Variants in DMD observed in about 807,000 individuals in gnomAD.
DMD encodes the protein mutant dystrophin.
DMD carries 63 observed loss-of-function variants against 330.1 expected under a neutral mutation model. The observed-to-expected ratio is 0.19, with a 90% CI of 0.16 to 0.24. The LOEUF is 0.24. Ranked by LOEUF, DMD falls within the 10% of genes least tolerant of loss-of-function variation. The pLI is 1.00. For missense variants in DMD, 3,344 were observed against 2,684.1 expected, an observed-to-expected ratio of 1.25 and a Z score of -5.43; for synonymous variants, 1,223 against 959.8, an observed-to-expected ratio of 1.27 and a Z score of -5.07.
At chrX:31,822,515 A>G (rs1308202421) in intron 49 of DMD, among the ~76,000 whole-genome samples, 3 of 111,577 alleles carry the variant, frequency 2.7e-5, no homozygotes, top group East Asian at 2.8e-4. Flanking sequence ...GAAGAGCCAT[A>G]TGATACGATT....
At chrX:33,045,310 G>A (rs2094362356) in intron 1 of DMD, among the ~76,000 whole-genome samples, 1 of 24,261 alleles carries the variant, frequency 4.1e-5, no homozygotes, top group Non-Finnish European at 9.4e-5. Flanking sequence ...ACACACACAG[G>A]TGCGTACACA....
At chrX:31,132,958 G>A (rs1425233634) in intron 77 of DMD, among the ~76,000 whole-genome samples, 1 of 111,592 alleles carries the variant, frequency 9.0e-6, no homozygotes, top group Admixed American at 9.5e-5. Flanking sequence ...AAGATGGCTG[G>A]TGCAGACATT....
intron 18 of DMD, among the ~76,000 whole-genome samples, chrX:32,515,260 G>A (rs1311241259): frequency 9.0e-6 from 1 of 111,599 alleles, no homozygotes; most frequent in African/African-American, 3.3e-5. Context: ...GTGCAATAGA[G>A]CAGAGAGAGA....
chrX:31,171,382 C>G (rs891952003), intron 73 of DMD, among the ~76,000 whole-genome samples: 8 of 111,681 alleles, frequency 7.2e-5, no homozygotes, highest in African/African-American at 2.6e-4. Flanking sequence ...AGGTTCTTTT[C>G]TCATCTGAGC....
chrX:32,647,500 A>C (rs776387591), intron 9 of DMD, among the ~76,000 whole-genome samples: 2 of 111,654 alleles, frequency 1.8e-5, no homozygotes, highest in South Asian at 7.5e-4. Flanking sequence ...AATACAAACG[A>C]CCAAGAAACC....
At chrX:31,513,447 C>T (rs1013048858) in intron 55 of DMD, among the ~76,000 whole-genome samples, 1 of 110,435 alleles carries the variant, frequency 9.1e-6, no homozygotes, top group Non-Finnish European at 1.9e-5. Context: ...ACACCTCAGA[C>T]TCAGGTAGCA....
At chrX:31,228,218 G>A (rs757730972) in intron 63 of DMD, among the ~76,000 whole-genome samples, 1 of 98,822 alleles carries the variant, frequency 1.0e-5, no homozygotes, top group South Asian at 4.8e-4. Context: ...TAACTAACCT[G>A]CACAATGTGC....
intron 1 of DMD, among the ~76,000 whole-genome samples, chrX:33,117,899 T>G (rs910753973): frequency 1.8e-5 from 2 of 111,395 alleles, no homozygotes; most frequent in Non-Finnish European, 3.8e-5. Flanking sequence ...TCTCATATAC[T>G]ACGGGACAAA....
At chrX:32,711,819 C>G (rs893948442) in intron 7 of DMD, among the ~76,000 whole-genome samples, 19 of 111,917 alleles carry the variant, frequency 1.7e-4, no homozygotes, top group African/African-American at 6.2e-4. Context: ...ATCTGCCTGT[C>G]TAATGAGATT....
At chrX:32,646,097 T>A (rs2059767693) in intron 9 of DMD, among the ~76,000 whole-genome samples, 1 of 111,697 alleles carries the variant, frequency 9.0e-6, no homozygotes, top group African/African-American at 3.3e-5. Context: ...CTTCTCCCCA[T>A]CTGAAGCCAA....
intron 51 of DMD, among the ~76,000 whole-genome samples, chrX:31,762,470 G>A (rs1038113432): frequency 9.0e-5 from 10 of 111,551 alleles, no homozygotes; most frequent in African/African-American, 3.3e-4. Context: ...TCAGGAGGCT[G>A]AGGCAGGAGA....
chrX:32,757,727 A>C (rs1003145994), intron 7 of DMD, among the ~76,000 whole-genome samples: 2 of 112,148 alleles, frequency 1.8e-5, no homozygotes, highest in Non-Finnish European at 3.8e-5. Context: ...TAGAACTATG[A>C]GTCAATTAAA....
intron 55 of DMD, among the ~76,000 whole-genome samples, chrX:31,624,260 C>T (rs768303926): frequency 1.8e-5 from 2 of 111,598 alleles, no homozygotes; most frequent in Admixed American, 1.9e-4. Context: ...ATAAGAAACA[C>T]CCCCTTATCC....
At chrX:31,464,035 G>T (rs1192431528) in intron 59 of DMD, among the ~76,000 whole-genome samples, 2 of 111,036 alleles carry the variant, frequency 1.8e-5, no homozygotes, top group African/African-American at 6.5e-5. Context: ...AGTATTTCTA[G>T]TTATTACCCA....
At chrX:32,211,736 G>C (rs6631515) in intron 44 of DMD, among the ~76,000 whole-genome samples, 16,034 of 111,248 alleles carry the variant, frequency 0.14, 1,335 homozygotes, top group East Asian at 0.41. Context: ...TCTCAGGCTT[G>C]TATGTCTGCG....
At chrX:32,564,559 A>G (rs1261193495) in intron 16 of DMD, among the ~76,000 whole-genome samples, 1 of 112,379 alleles carries the variant, frequency 8.9e-6, no homozygotes, top group Admixed American at 9.5e-5. Flanking sequence ...TAATTGCTAA[A>G]GTATGTTTAA....
At chrX:31,462,346 G>T (rs904454650) in intron 59 of DMD, among the ~76,000 whole-genome samples, 2 of 111,086 alleles carry the variant, frequency 1.8e-5, no homozygotes, top group Non-Finnish European at 3.8e-5. Context: ...CAGGCGTGGC[G>T]GTGCATGCCT....
intron 2 of DMD, among the ~76,000 whole-genome samples, chrX:32,932,719 G>T (rs368317357): frequency 8.9e-6 from 1 of 111,751 alleles, no homozygotes; most frequent in East Asian, 2.8e-4. Context: ...GTACAAGCCC[G>T]AAAAGGCTGG....
chrX:32,270,052 C>T (rs2148342906), intron 43 of DMD, among the ~76,000 whole-genome samples: 1 of 112,134 alleles, frequency 8.9e-6, no homozygotes, highest in African/African-American at 3.2e-5. Flanking sequence ...TGCCAAGAGA[C>T]ATAAACCAGA....
Sources: gnomAD v4.1 joint callset for allele counts (sites outside exome capture counted in the v4.1 genomes callset) on GRCh38, gnomAD v4.1.1 for gene constraint, MANE v1.5 for transcripts, NCBI Gene and HGNC (gene_info 2026-07-23, HGNC 2026-07-21) for gene names.